Variants in ADAMTSL3 observed in about 807,000 individuals in gnomAD.
The protein encoded by ADAMTSL3 is ADAMTS-like protein 3.
ADAMTSL3 carries 128 observed loss-of-function variants against 201.7 expected under a neutral mutation model. The ratio of observed to expected loss-of-function variants is 0.63; its 90% CI spans 0.55 to 0.73. The LOEUF (loss-of-function observed/expected upper bound fraction) is 0.73, where lower values mean the gene tolerates loss of function less well. Among genes scored for constraint, ADAMTSL3 ranks in the 30% least tolerant of loss-of-function variants. ADAMTSL3 has a pLI of 0.00. For synonymous variants in ADAMTSL3, 738 were observed against 748.4 expected (o/e 0.99, Z 0.23); for missense variants, 1,990 against 2,119.6 (o/e 0.94, Z 1.20).
intron 3 of ADAMTSL3, among the ~76,000 whole-genome samples, chr15:83,763,278 C>A (rs903319681): frequency 6.6e-6 from 1 of 152,184 alleles, no homozygotes; most frequent in African/African-American, 2.4e-5. Context: ...CGAATCCTCA[C>A]AGTGGCTGGA....
At chr15:83,839,172 G>A (rs1056396087) in intron 7 of ADAMTSL3, among the ~76,000 whole-genome samples, 7 of 151,998 alleles carry the variant, frequency 4.6e-5, no homozygotes, top group Non-Finnish European at 7.4e-5. Context: ...GGTGAGTTCC[G>A]CCAAAGATTT....
At chr15:83,887,539 G>T (rs72746993) in intron 10 of ADAMTSL3, among the ~76,000 whole-genome samples, 3,047 of 152,240 alleles carry the variant, frequency 0.02, 49 homozygotes, top group Non-Finnish European at 0.032. Context: ...TGAGGCAAAG[G>T]TTCCTTTACA....
chr15:83,941,591 G>A (rs1232185971), intron 17 of ADAMTSL3, among the ~76,000 whole-genome samples: 2 of 151,988 alleles, frequency 1.3e-5, no homozygotes, highest in African/African-American at 4.8e-5. Flanking sequence ...GTATTTCTAT[G>A]TTAATAACTA....
At chr15:83,659,561 T>C (rs1360673800) in intron 2 of ADAMTSL3, among the ~76,000 whole-genome samples, 1 of 152,180 alleles carries the variant, frequency 6.6e-6, no homozygotes, top group African/African-American at 2.4e-5. Flanking sequence ...TAATATTTGG[T>C]GGAGCTCCCA....
At chr15:83,748,218 T>C (rs2062579551) in intron 3 of ADAMTSL3, among the ~76,000 whole-genome samples, 1 of 152,204 alleles carries the variant, frequency 6.6e-6, no homozygotes, top group Non-Finnish European at 1.5e-5. Flanking sequence ...AACTATAGTC[T>C]AGCAGGGAAA....
chr15:83,832,819 G>A (rs563699211), intron 6 of ADAMTSL3, among the ~76,000 whole-genome samples: 1 of 152,268 alleles, frequency 6.6e-6, no homozygotes, highest in Non-Finnish European at 1.5e-5. Context: ...ATTAACCTGA[G>A]CACAGCAGAC....
chr15:83,772,644 T>C (rs2063003162), intron 3 of ADAMTSL3, among the ~76,000 whole-genome samples: 2 of 152,276 alleles, frequency 1.3e-5, no homozygotes, highest in South Asian at 2.1e-4. Context: ...GCAAGGTTTC[T>C]TGGGAGTTAC....
At chr15:83,934,872 A>G (rs1173211816) in intron 17 of ADAMTSL3, among the ~76,000 whole-genome samples, 2 of 152,252 alleles carry the variant, frequency 1.3e-5, no homozygotes, top group Non-Finnish European at 2.9e-5. Context: ...GCCATAAAAA[A>G]GAATGAAATC....
chr15:84,037,466 G>A (rs1457362622), intron 29 of ADAMTSL3, among the ~76,000 whole-genome samples: 1 of 152,208 alleles, frequency 6.6e-6, no homozygotes, highest in East Asian at 1.9e-4. Flanking sequence ...ACTCAAAGGA[G>A]CAGCATGGGC....
At chr15:83,717,698 A>G (rs1225173556) in intron 3 of ADAMTSL3, among the ~76,000 whole-genome samples, 1 of 152,230 alleles carries the variant, frequency 6.6e-6, no homozygotes, top group African/African-American at 2.4e-5. Flanking sequence ...AGAATAAAAA[A>G]TAAAATAATA....
intron 3 of ADAMTSL3, among the ~76,000 whole-genome samples, chr15:83,744,082 C>A (rs1300407499): frequency 6.6e-6 from 1 of 152,134 alleles, no homozygotes; most frequent in Non-Finnish European, 1.5e-5. Flanking sequence ...GATCTCCTGA[C>A]CTCGTGATCT....
intron 17 of ADAMTSL3, among the ~76,000 whole-genome samples, chr15:83,935,938 A>G (rs994418884): frequency 6.6e-6 from 1 of 152,074 alleles, no homozygotes; most frequent in African/African-American, 2.4e-5. Context: ...ATATTATGTT[A>G]AGTATTCTAG....
chr15:83,970,571 G>A lies in ADAMTSL3; in HGVS notation c.2578G>A (p.Glu860Lys), dbSNP rs2067178481. The A allele has an allele frequency of 6.2e-7, 1 of 1,614,224 alleles. No individual in the cohort carries two copies. Among genetic ancestry groups the A allele is most frequent in the Non-Finnish European group, 8.5e-7 (1 of 1,180,028 alleles). ...CAAAGGTCGGCGCATCCCCCTCAGT[G>A]AGATGATGTGCAGGGATCTACCAGG... The part of the protein sequence containing the change: ...AAKGRRIPLS[E>K]MMCRDLPGLP... Residue 860 changes from glutamate (E) to lysine (K), a missense_variant, in exon 20 of 30, where the codon GAG becomes AAG. Glu to Lys is a moderately conservative substitution (Grantham distance 56, BLOSUM62 1). Transcript: ENST00000286744.
At chr15:83,975,126 T>C (rs995402792) in intron 20 of ADAMTSL3, among the ~76,000 whole-genome samples, 3 of 150,704 alleles carry the variant, frequency 2.0e-5, no homozygotes, top group South Asian at 4.2e-4. Context: ...CTCAGCCTCC[T>C]GAGTAGCTGG....
chr15:83,709,562 C>G (rs138069663), intron 3 of ADAMTSL3, among the ~76,000 whole-genome samples: 133 of 152,226 alleles, frequency 8.7e-4, no homozygotes, highest in Admixed American at 1.7e-3. Flanking sequence ...GAGATCTGCT[C>G]TGTCTTTCTC....
intron 28 of ADAMTSL3, 51 bp downstream of exon 28, chr15:84,031,483 A>G: frequency 6.6e-7 from 1 of 1,513,676 alleles, no homozygotes; most frequent in Non-Finnish European, 9.2e-7. Context: ...CTCACTCAGG[A>G]CAATGATTAT....
At chr15:83,860,670 G>A (rs77343575) in intron 8 of ADAMTSL3, among the ~76,000 whole-genome samples, 3,803 of 152,232 alleles carry the variant, frequency 0.025, 167 homozygotes, top group African/African-American at 0.086. Flanking sequence ...AATAGAATAA[G>A]TAAAGGTGAG....
At chr15:83,756,250 C>T (rs1430088110) in intron 3 of ADAMTSL3, among the ~76,000 whole-genome samples, 2 of 152,116 alleles carry the variant, frequency 1.3e-5, no homozygotes, top group Non-Finnish European at 2.9e-5. Flanking sequence ...TTTCACACTG[C>T]TGAAAAAGAC....
chr15:83,889,683 G>A (rs2065465663), intron 10 of ADAMTSL3, among the ~76,000 whole-genome samples: 1 of 152,044 alleles, frequency 6.6e-6, no homozygotes, highest in African/African-American at 2.4e-5. Flanking sequence ...GTGACAATGA[G>A]GAGAAAAGAC....
Sources: gnomAD v4.1 joint callset for allele counts (sites outside exome capture counted in the v4.1 genomes callset) on GRCh38, gnomAD v4.1.1 for gene constraint, MANE v1.5 for transcripts, NCBI Gene and HGNC (gene_info 2026-07-23, HGNC 2026-07-21) for gene names.